CLDN14: variants seen among roughly 807,000 people sequenced by gnomAD.
CLDN14 encodes the protein claudin-14.
CLDN14 carries 2 observed loss-of-function variants against 2.1 expected under a neutral mutation model. The observed-to-expected ratio is 0.96, with a 90% confidence interval of 0.39 to 3.01. The LOEUF (loss-of-function observed/expected upper bound fraction) is 3.01, where lower values mean the gene tolerates loss of function less well. Ranked by LOEUF, CLDN14 falls within the 30% of genes most tolerant of loss-of-function variation. The pLI, the probability that CLDN14 is intolerant of heterozygous loss-of-function variation, is 0.09. For missense variants in CLDN14, 298 were observed against 328.0 expected (o/e 0.91, Z 0.71); for synonymous variants, 136 against 154.4 (o/e 0.88, Z 0.88).
At chr21:36,477,191 G>C (rs1348253858) in intron 1 of CLDN14, among the ~76,000 whole-genome samples, 2 of 152,234 alleles carry the variant, frequency 1.3e-5, no homozygotes, top group Non-Finnish European at 2.9e-5. Flanking sequence ...GGGGCTCCCT[G>C]TAACTGCACA....
At chr21:36,516,312 T>C (rs1418570704) in intron 1 of CLDN14, among the ~76,000 whole-genome samples, 1 of 152,238 alleles carries the variant, frequency 6.6e-6, no homozygotes, top group Non-Finnish European at 1.5e-5. Flanking sequence ...ATAAACAGCT[T>C]GAGACATGCT....
intron 1 of CLDN14, among the ~76,000 whole-genome samples, chr21:36,519,184 C>T (rs1252224677): frequency 3.3e-5 from 5 of 152,218 alleles, no homozygotes; most frequent in African/African-American, 9.6e-5. Flanking sequence ...AGACTCTTGT[C>T]TTTTTAATCA....
rs759869283 is a variant in CLDN14 at position 36,486,573 on chromosome 21, G to A, written c.-82+23790C>T. On this transcript the variant is annotated intron_variant, in intron 2 of 2. Transcript: ENST00000342108. ...CTGATGAGAGCATCAGCCAAGCTGGGCCCAGGAGGCACTGCCACCAGATGA... is the reference window on the plus strand; with the variant it reads ...CTGATGAGAGCATCAGCCAAGCTGGACCCAGGAGGCACTGCCACCAGATGA... 5 of 1,554,746 alleles carry A rather than the reference G, an allele frequency of 3.2e-6. No homozygotes were observed. The Admixed American group carries it at 8.3e-5, about 26-fold the overall frequency.
intron 2 of CLDN14, among the ~76,000 whole-genome samples, chr21:36,500,344 C>T (rs1015753456): frequency 2.0e-5 from 3 of 152,200 alleles, no homozygotes; most frequent in Admixed American, 6.5e-5. Flanking sequence ...ATAACAGTGA[C>T]GCCTCGGACA....
At chr21:36,554,657 G>T (rs1045971890) in intron 1 of CLDN14, among the ~76,000 whole-genome samples, 1 of 152,122 alleles carries the variant, frequency 6.6e-6, no homozygotes, top group Non-Finnish European at 1.5e-5. Flanking sequence ...GTCAGAGTCG[G>T]CATTCTGATT....
In CLDN14 at chr21:36,460,830, TA is replaced by T; in HGVS notation, c.*145del. 1.0e-6 allele frequency: 1 copy of T among 959,046 alleles called. No homozygotes were observed. The highest frequency in any genetic ancestry group is 1.6e-6 in the Non-Finnish European group (1 of 635,370). 59.4% of individuals were successfully genotyped at this position (959,046 alleles called of 1,614,324 possible). ...TATTTCCCCCTCTGTCCCTGTGCTC[TA>T]AAGACATTTCCTCGCATTCACATTA... On this transcript the variant is annotated 3_prime_UTR_variant, in exon 2 of 2. Transcript: ENST00000399135. The surrounding 1 kb of genome is among the most constrained non-coding windows in gnomAD (Gnocchi z 4.0).
intron 1 of CLDN14, among the ~76,000 whole-genome samples, chr21:36,530,667 G>A (rs553796855): frequency 1.2e-4 from 19 of 152,326 alleles, no homozygotes; most frequent in African/African-American, 4.1e-4. Context: ...GGGAGTGACC[G>A]ATTCCCACCA....
At chr21:36,553,432 C>G (rs776097557) in intron 1 of CLDN14, among the ~76,000 whole-genome samples, 10 of 152,090 alleles carry the variant, frequency 6.6e-5, no homozygotes, top group Non-Finnish European at 1.5e-4. Flanking sequence ...CTGGCAAGCT[C>G]TTGCAGTATA....
At chr21:36,497,239 A>G (rs1451363411) in intron 2 of CLDN14, among the ~76,000 whole-genome samples, 1 of 10,096 alleles carries the variant, frequency 9.9e-5, no homozygotes, top group African/African-American at 2.9e-4. Context: ...GGGAGGAAGG[A>G]AGGGAGGGAG....
chr21:36,492,778 G>A (rs2086981289), intron 2 of CLDN14, among the ~76,000 whole-genome samples: 1 of 152,350 alleles, frequency 6.6e-6, no homozygotes, highest in East Asian at 1.9e-4. Context: ...ACAAGCCAGG[G>A]AAGGCCAAGG....
At chr21:36,472,575 A>T (rs1290593509) in intron 1 of CLDN14, among the ~76,000 whole-genome samples, 1 of 152,220 alleles carries the variant, frequency 6.6e-6, no homozygotes, top group Non-Finnish European at 1.5e-5. Flanking sequence ...GGTGGGCCAC[A>T]CCCAGTCAGG....
chr21:36,534,582 TGGCTGACAATCAC>T (rs564936965), intron 1 of CLDN14, among the ~76,000 whole-genome samples: 1 of 152,332 alleles, frequency 6.6e-6, no homozygotes, highest in East Asian at 1.9e-4. Flanking sequence ...AAGGAGAGGC[TGGCTGACAATCAC>T]CATGGCACCA....
chr21:36,476,714 G>T (rs2086784529), intron 1 of CLDN14, among the ~76,000 whole-genome samples: 1 of 152,256 alleles, frequency 6.6e-6, no homozygotes, highest in Admixed American at 6.5e-5. Flanking sequence ...GACTCCCAAA[G>T]TGCTGGGATT....
intron 1 of CLDN14, among the ~76,000 whole-genome samples, chr21:36,523,793 A>AG (rs1568868912): frequency 0.049 from 2,872 of 59,210 alleles, 377 homozygotes; most frequent in Middle Eastern, 0.074. Context: ...GAAAGAAAGA[A>AG]AGAAAGAAAG....
chr21:36,493,090 T>C (rs1264515671), intron 2 of CLDN14, among the ~76,000 whole-genome samples: 1 of 152,212 alleles, frequency 6.6e-6, no homozygotes, highest in East Asian at 1.9e-4. Context: ...GAGAGGATAC[T>C]GTTGAGCACG....
intron 1 of CLDN14, among the ~76,000 whole-genome samples, chr21:36,558,036 T>C (rs2087610927): frequency 6.6e-6 from 1 of 152,186 alleles, no homozygotes; most frequent in Non-Finnish European, 1.5e-5. Context: ...GAAGAGACTG[T>C]CCTTTCTCTG....
At position 36,468,188 on chromosome 21, in the gene CLDN14, T is replaced by C. The variant is rs78874031; in HGVS notation, c.-81-6412A>G. Among the ~76,000 whole-genome samples, 710 of 152,360 alleles carry C rather than the reference T, an allele frequency of 4.7e-3. 7 individuals are homozygous for C. Among genetic ancestry groups the C allele is most frequent in the Middle Eastern group, 0.014 (4 of 294 alleles). On this transcript the variant is annotated intron_variant, in intron 1 of 1. Transcript: ENST00000399135. ...ATAGTCATTGGCCCTTCAACGTTGATGTTCAGCCACTTCAGAAAATGTCTG... is the reference window on the plus strand; with the variant it reads ...ATAGTCATTGGCCCTTCAACGTTGACGTTCAGCCACTTCAGAAAATGTCTG...
chr21:36,516,705 A>G (rs368624634), intron 1 of CLDN14, among the ~76,000 whole-genome samples: 2 of 152,284 alleles, frequency 1.3e-5, no homozygotes, highest in East Asian at 3.8e-4. Flanking sequence ...AGTTTGGTTC[A>G]GTTAAATGAA....
intron 2 of CLDN14, among the ~76,000 whole-genome samples, chr21:36,495,650 G>T (rs1401800852): frequency 6.6e-6 from 1 of 152,258 alleles, no homozygotes; most frequent in African/African-American, 2.4e-5. Context: ...CTTGGGGCTA[G>T]AGCCCCTGGC....
Sources: allele counts gnomAD v4.1 joint callset (sites outside exome capture counted in the v4.1 genomes callset), GRCh38; gene constraint gnomAD v4.1.1; non-coding constraint Gnocchi (gnomAD v3.1); transcripts MANE v1.5; gene names NCBI Gene and HGNC (gene_info 2026-07-23, HGNC 2026-07-21).